The following VPS29 variants were observed in gnomAD, a reference collection of about 807,000 sequenced individuals.
The protein encoded by VPS29 is VPS29 retromer complex component.
In VPS29, 2 loss-of-function variants were observed where a neutral mutation model predicts 20.0. That is an observed-to-expected ratio of 0.10 (90% confidence interval 0.04 to 0.31). VPS29 has a LOEUF of 0.31. Among genes scored for constraint, VPS29 ranks in the 10% least tolerant of loss-of-function variants. The probability of loss-of-function intolerance (pLI) is 1.00; values close to 1 mark genes in which losing one functional copy is unlikely to be tolerated. For missense variants in VPS29, 120 were observed against 215.3 expected (o/e 0.56, Z 2.77); for synonymous variants, 81 against 79.3 (o/e 1.02, Z -0.12).
chr12:110,497,964 G>C (rs977848612), intron 1 of VPS29, among the ~76,000 whole-genome samples: 1 of 149,322 alleles, frequency 6.7e-6, no homozygotes, highest in African/African-American at 2.5e-5. Context: ...AAGGACAACA[G>C]AATCGATTTT....
chr12:110,493,308 T>G, intron 2 of VPS29, 77 bp from the exon 3 acceptor site: 3 of 1,084,908 alleles, frequency 2.8e-6, no homozygotes, highest in Non-Finnish European at 3.8e-6. Flanking sequence ...TCCTTAAATA[T>G]TCAATCTCCT....
intron 1 of VPS29, chr12:110,498,993 T>C (rs2062951471): frequency 1.8e-5 from 4 of 223,784 alleles, no homozygotes; most frequent in Non-Finnish European, 3.0e-5. Flanking sequence ...TAAAAGGGTA[T>C]ATGTCTACAA....
At chr12:110,501,156 C>T (rs2063025562) in intron 1 of VPS29, among the ~76,000 whole-genome samples, 1 of 152,012 alleles carries the variant, frequency 6.6e-6, no homozygotes, top group African/African-American at 2.4e-5. Context: ...CCAGCCTGGG[C>T]GACAGAGCGA....
intron 3 of VPS29, 41 bp downstream of exon 3, chr12:110,492,955 T>C (rs548696904): frequency 1.3e-6 from 2 of 1,538,850 alleles, no homozygotes; most frequent in Non-Finnish European, 1.8e-6. Flanking sequence ...ATGCAATTAT[T>C]TTACTAAAGC....
chr12:110,499,657 A>C (rs1381845009), intron 1 of VPS29: 2 of 792,454 alleles, frequency 2.5e-6, no homozygotes, highest in Non-Finnish European at 4.1e-6. Context: ...AAAAAAGAGA[A>C]CAAAAAACCC....
intron 1 of VPS29, chr12:110,499,435 C>T (rs1045410918): frequency 3.9e-6 from 6 of 1,522,772 alleles, no homozygotes; most frequent in African/African-American, 2.8e-5. Context: ...CATGGGAATT[C>T]GGTTACTTCC....
chr12:110,498,794 C>T lies in VPS29; in HGVS notation c.4-2591G>A, dbSNP rs141797748. 6.0e-3 allele frequency: 5,918 copies of T among 978,548 alleles called. 22 individuals carry two copies. Among genetic ancestry groups the T allele is most frequent in the Non-Finnish European group, 6.8e-3 (5,611 of 823,690 alleles). 60.6% of individuals were successfully genotyped at this position (978,548 alleles called of 1,614,324 possible). On this transcript the variant is annotated intron_variant, in intron 1 of 3. Coordinates refer to ENST00000549578, the MANE Select transcript of VPS29 (RefSeq NM_016226.5). ...TAAAAACCACTATGAAGTTTCCACCCTCACTGGTAATCAACATAAAAGTAC... is the reference window on the plus strand; with the variant it reads ...TAAAAACCACTATGAAGTTTCCACCTTCACTGGTAATCAACATAAAAGTAC...
chr12:110,501,476 C>T, intron 1 of VPS29: 1 of 1,535,474 alleles, frequency 6.5e-7, no homozygotes, highest in Non-Finnish European at 8.7e-7. Context: ...AGCGCCAAAT[C>T]CCGCCCTCTG....
chr12:110,501,075 G>A (rs1231205562), intron 1 of VPS29, among the ~76,000 whole-genome samples: 1 of 152,120 alleles, frequency 6.6e-6, no homozygotes, highest in Non-Finnish European at 1.5e-5. Flanking sequence ...CAGCTACTCG[G>A]GAGGCTGAGG....
intron 1 of VPS29, among the ~76,000 whole-genome samples, chr12:110,498,052 A>C (rs2135590923): frequency 6.7e-6 from 1 of 148,684 alleles, no homozygotes; most frequent in Non-Finnish European, 1.5e-5. Context: ...GCTCACTGCA[A>C]CCTCTGCCTC....
At chr12:110,500,232 CT>C (rs1257336271) in intron 1 of VPS29, among the ~76,000 whole-genome samples, 1 of 152,192 alleles carries the variant, frequency 6.6e-6, no homozygotes, top group African/African-American at 2.4e-5. Flanking sequence ...GGACACTGTA[CT>C]GAGTGTTGAA....
chr12:110,493,205 A>T lies in VPS29; in HGVS notation c.222T>A (p.Val74=). 6.4e-7 allele frequency: 1 copy of T among 1,554,936 alleles called. No homozygotes were observed. Among genetic ancestry groups the T allele is most frequent in the Non-Finnish European group, 8.7e-7 (1 of 1,150,572 alleles). ...DENLNYPEQK[V]VTVGQFKIGL... is the part of the protein sequence containing the mutation. ...CAATTTTGAACTGTCCAACAGTCACAACTTTCTGTTCTGGATAATTCAGAT... is the reference window on the plus strand; with the variant it reads ...CAATTTTGAACTGTCCAACAGTCACTACTTTCTGTTCTGGATAATTCAGAT... The change falls in exon 3 of 4, where the codon GTT becomes GTA. Residue 74 remains valine (V), a synonymous_variant. Transcript: ENST00000549578.
chr12:110,501,964 C>G (rs1395965080), intron 1 of VPS29, 85 bp downstream of exon 1: 1 of 1,611,506 alleles, frequency 6.2e-7, no homozygotes, highest in East Asian at 2.2e-5. Flanking sequence ...TTCCCAATTC[C>G]TCGCCCTCGG....
intron 1 of VPS29, chr12:110,501,700 G>A: frequency 7.3e-7 from 1 of 1,369,174 alleles, no homozygotes; most frequent in Non-Finnish European, 1.0e-6. Flanking sequence ...TGGAAACGGA[G>A]GACCGTGCCC....
chr12:110,502,091 G>A lies in VPS29; in HGVS notation c.-40C>T, dbSNP rs551224919. On this transcript the variant is annotated 5_prime_UTR_variant, in exon 1 of 4. Coordinates refer to ENST00000549578, the MANE Select transcript of VPS29 (RefSeq NM_016226.5). ...CCGCTCAGTCACCACCACCGTCGCCGCCCTCTTCCTCAGGCTCCTCGGCGA... is the reference window on the plus strand; with the variant it reads ...CCGCTCAGTCACCACCACCGTCGCCACCCTCTTCCTCAGGCTCCTCGGCGA... 2.9e-5 allele frequency: 47 copies of A among 1,599,792 alleles called. No individual in the cohort carries two copies. Among genetic ancestry groups the A allele is most frequent in the Admixed American group, 2.7e-4 (16 of 59,954 alleles).
At chr12:110,495,114 T>A (rs2062883898) in intron 2 of VPS29, among the ~76,000 whole-genome samples, 1 of 152,174 alleles carries the variant, frequency 6.6e-6, no homozygotes, top group Admixed American at 6.5e-5. Context: ...TATGATGGGT[T>A]TTGACAAATG....
intron 2 of VPS29, among the ~76,000 whole-genome samples, chr12:110,495,792 T>G (rs1386977796): frequency 1.3e-5 from 2 of 152,022 alleles, no homozygotes; most frequent in Non-Finnish European, 2.9e-5. Context: ...TCAGTATCTA[T>G]TTAGTTAGAA....
rs373695929 is a variant in VPS29, at chr12:110,502,088, G to A, written c.-37C>T. The A allele has an allele frequency of 9.4e-6, 15 of 1,602,352 alleles. No individual in the cohort carries two copies. Among genetic ancestry groups the A allele is most frequent in the Admixed American group, 3.3e-5 (2 of 59,964 alleles). On this transcript the variant is annotated 5_prime_UTR_variant, in exon 1 of 4. Transcript: ENST00000549578. ...GCTCCGCTCAGTCACCACCACCGTC[G>A]CCGCCCTCTTCCTCAGGCTCCTCGG...
intron 1 of VPS29, chr12:110,499,655 G>C (rs1228880529): frequency 3.8e-6 from 3 of 790,248 alleles, no homozygotes; most frequent in Non-Finnish European, 6.1e-6. Flanking sequence ...AAAAAAAAGA[G>C]AACAAAAAAC....
Sources: gnomAD v4.1 joint callset for allele counts (sites outside exome capture counted in the v4.1 genomes callset) on GRCh38, gnomAD v4.1.1 for gene constraint, MANE v1.5 for transcripts, NCBI Gene and HGNC (gene_info 2026-07-23, HGNC 2026-07-21) for gene names.